Variants in NUP133 observed in about 807,000 individuals in gnomAD.
The protein encoded by NUP133 is nucleoporin 133, also known as nuclear pore complex protein Nup133.
A neutral mutation model predicts 146.2 loss-of-function variants in NUP133; 66 were observed. The ratio of observed to expected loss-of-function variants is 0.45; its 90% CI spans 0.37 to 0.55. NUP133 has a LOEUF of 0.55. NUP133 is among the 20% of genes least tolerant of loss of function. NUP133 has a pLI of 0.00. For synonymous variants in NUP133, 521 were observed against 498.8 expected (o/e 1.04, Z -0.59); for missense variants, 1,277 against 1,374.8 (o/e 0.93, Z 1.12).
At chr1:229,484,677 A>G (rs766439190) in intron 11 of NUP133, among the ~76,000 whole-genome samples, 1 of 152,232 alleles carries the variant, frequency 6.6e-6, no homozygotes, top group African/African-American at 2.4e-5. Flanking sequence ...CTACCTAAGC[A>G]TAATGGTTGA....
Position 229,463,609 on chromosome 1 carries a change from T to C in NUP133, c.2619A>G (p.Val873=), listed in dbSNP as rs761234529. 6.2e-7 allele frequency: 1 copy of C among 1,614,062 alleles called. No homozygotes were observed. The highest frequency in any genetic ancestry group is 2.2e-5 in the East Asian group (1 of 44,874). ...GGTTGTCAGTCTGCTCACACATTTG[T>C]ACCAATATATCAAAGTCACAGTATT... The part of the protein sequence containing the change: ...AEKYCDFDIL[V]QMCEQTDNQS... Residue 873 remains valine, a synonymous_variant, in exon 19 of 26, where the codon GTA becomes GTG. Coordinates refer to ENST00000261396, the MANE Select transcript of NUP133 (RefSeq NM_018230.3).
chr1:229,448,718 C>A, intron 24 of NUP133: 1 of 196,018 alleles, frequency 5.1e-6, no homozygotes, highest in Non-Finnish European at 1.0e-5. Context: ...GTCATCGGGA[C>A]CGCTCTCTGG....
At chr1:229,472,732 A>ATATATATATATAT (rs1269410536) in intron 14 of NUP133, among the ~76,000 whole-genome samples, 15 of 146,708 alleles carry the variant, frequency 1.0e-4, no homozygotes, top group East Asian at 2.0e-4. Flanking sequence ...ATATATGTAC[A>ATATATATATATAT]ATCATTCTAG....
rs771166297 is a variant in NUP133 at position 229,475,678 on chromosome 1, T to C, written c.1811A>G (p.Lys604Arg). ...CATAAGAAAAGAGTGAGCTTTCATC[T>C]TGTCTTCTAGCTGGTGAAGGATAAT... Reference protein sequence around the residue: ...SLIILHQLEDKMKAHSFLMDF... With the variant: ...SLIILHQLEDRMKAHSFLMDF... Residue 604 changes from lysine to arginine, a missense_variant, in exon 14 of 26, where the codon AAG (lysine) becomes AGG (arginine). Coordinates refer to ENST00000261396, the MANE Select transcript of NUP133 (RefSeq NM_018230.3). 7 of 1,614,212 alleles carry C rather than the reference T, an allele frequency of 4.3e-6. 1 individual carries two copies. In the South Asian group the frequency reaches 7.7e-5, roughly 18 times the overall value.
At chr1:229,494,186 G>C (rs1442903010) in intron 8 of NUP133, among the ~76,000 whole-genome samples, 1 of 152,170 alleles carries the variant, frequency 6.6e-6, no homozygotes, top group Admixed American at 6.5e-5. Flanking sequence ...ATAGTGGGCT[G>C]TCCTAGCAGT....
chr1:229,455,180 G>T (rs1390981662), intron 21 of NUP133, among the ~76,000 whole-genome samples: 1 of 152,144 alleles, frequency 6.6e-6, no homozygotes, highest in Non-Finnish European at 1.5e-5. Context: ...TGGACTCTGT[G>T]GATAAGCCAC....
chr1:229,495,477 G>C lies in NUP133; in HGVS notation c.1046+18C>G, dbSNP rs373299462. 13 of 1,578,498 alleles carry C rather than the reference G, an allele frequency of 8.2e-6. No homozygotes were observed. The highest frequency in any genetic ancestry group is 1.1e-5 in the Non-Finnish European group (13 of 1,149,960). On this transcript the variant is annotated intron_variant, in intron 8 of 25. Transcript: ENST00000261396. ...CCAAACTCTTCTCTATGTTCTTTAC[G>C]ACAAATTAATTGCTTACCAGTTTTG...
chr1:229,490,228 T>C (rs558469353), intron 8 of NUP133, 126 bp from the exon 9 acceptor site: 3 of 790,046 alleles, frequency 3.8e-6, no homozygotes, highest in Non-Finnish European at 5.5e-6. Context: ...CAAGAGAAAA[T>C]TTAAAAACAG....
intron 12 of NUP133, among the ~76,000 whole-genome samples, chr1:229,482,720 A>G (rs1299330745): frequency 1.3e-5 from 2 of 152,180 alleles, no homozygotes; most frequent in East Asian, 3.9e-4. Context: ...GCACGCTCTC[A>G]CTACAGCTGG....
intron 22 of NUP133, among the ~76,000 whole-genome samples, chr1:229,451,847 T>C (rs1380912246): frequency 6.6e-6 from 1 of 152,190 alleles, no homozygotes; most frequent in East Asian, 1.9e-4. Flanking sequence ...TCGGCACTAC[T>C]TTTTTCTTAG....
At chr1:229,480,990 G>T (rs988663171) in intron 12 of NUP133, among the ~76,000 whole-genome samples, 2 of 151,806 alleles carry the variant, frequency 1.3e-5, no homozygotes, top group Non-Finnish European at 2.9e-5. Flanking sequence ...CATCACACCC[G>T]GCCTCAAATG....
At position 229,440,942 on chromosome 1, in the gene NUP133, T is replaced by C. The variant is rs1160509913; in HGVS notation, c.*962A>G. 1 of 154,364 alleles carries C rather than the reference T, an allele frequency of 6.5e-6. No homozygotes were observed. The highest frequency in any genetic ancestry group is 2.4e-5 in the African/African-American group (1 of 41,496). 9.6% of individuals were successfully genotyped at this position (154,364 alleles called of 1,614,324 possible). On this transcript the variant is annotated 3_prime_UTR_variant, in exon 26 of 26. Transcript: ENST00000261396. ...GACCTTTTCAGCTGCTGGAGCAAGA[T>C]GGTTAGTGGGCATTCTACTGGGCCA... is the stretch of plus-strand genomic sequence containing the variant.
At chr1:229,490,235 A>T (rs1661472412) in intron 8 of NUP133, 133 bp from the exon 9 acceptor site, 1 of 714,584 alleles carries the variant, frequency 1.4e-6, no homozygotes, top group African/African-American at 1.8e-5. Flanking sequence ...AAATTTAAAA[A>T]CAGAAACAGA....
In NUP133 at chr1:229,449,201, A is replaced by C. The variant is rs1359326847; in HGVS notation, c.3181-11T>G. 4.4e-6 allele frequency: 7 copies of C among 1,574,544 alleles called. No individual in the cohort carries two copies. The highest frequency in any genetic ancestry group is 1.9e-4 in the Middle Eastern group (1 of 5,372). On this transcript the variant is annotated splice_polypyrimidine_tract_variant and intron_variant, in intron 23 of 25. Coordinates refer to ENST00000261396, the MANE Select transcript of NUP133 (RefSeq NM_018230.3). ...ATTTATATCTTCTTCCTTCACAGCAAAACAAAAAAAATCCTGATTAAATCC... is the reference window on the plus strand; with the variant it reads ...ATTTATATCTTCTTCCTTCACAGCACAACAAAAAAAATCCTGATTAAATCC...
In NUP133 at chr1:229,441,885, T is replaced by C. The variant is rs564524643; in HGVS notation, c.*19A>G. ...ACACTTATACAGATTTCATAAACAA[T>C]GGCCATTTTTAGAAAAAGTTATATT... On this transcript the variant is annotated 3_prime_UTR_variant, in exon 26 of 26. Coordinates refer to ENST00000261396, the MANE Select transcript of NUP133 (RefSeq NM_018230.3). 3 of 1,549,336 alleles carry C rather than the reference T, an allele frequency of 1.9e-6. No individual in the cohort carries two copies.
chr1:229,464,497 G>T, intron 18 of NUP133, 127 bp downstream of exon 18: 1 of 1,092,766 alleles, frequency 9.2e-7, no homozygotes, highest in Non-Finnish European at 1.3e-6. Flanking sequence ...AGAAAGCTGT[G>T]CATATTTGCT....
chr1:229,502,574 A>G (rs533894824), intron 2 of NUP133, among the ~76,000 whole-genome samples: 34 of 150,202 alleles, frequency 2.3e-4, no homozygotes, highest in African/African-American at 7.7e-4. Flanking sequence ...AAAAAAAAAA[A>G]AAAAAAGAAA....
chr1:229,459,584 G>T (rs1386693207), intron 20 of NUP133, among the ~76,000 whole-genome samples: 1 of 152,070 alleles, frequency 6.6e-6, no homozygotes, highest in Non-Finnish European at 1.5e-5. Flanking sequence ...CTGCTTCCAT[G>T]AGTTCAATTG....
In NUP133 at chr1:229,448,012, G is replaced by A. The variant is rs186120306; in HGVS notation, c.3245+1114C>T. ...AAAACCAAGAGAGTGGTCTCTAGTC[G>A]TCCTCGCTGCTCATTATACACTAAT... On this transcript the variant is annotated intron_variant, in intron 24 of 25. Transcript: ENST00000261396. 1.0e-3 allele frequency among the ~76,000 whole-genome samples: 155 copies of A among 152,252 alleles called. 1 individual carries two copies. The highest frequency in any genetic ancestry group is 3.2e-3 in the African/African-American group (134 of 41,570).
Sources: allele counts gnomAD v4.1 joint callset (sites outside exome capture counted in the v4.1 genomes callset), GRCh38; gene constraint gnomAD v4.1.1; transcripts MANE v1.5; gene names NCBI Gene and HGNC (gene_info 2026-07-23, HGNC 2026-07-21).